Variants in AACS observed in about 807,000 individuals in gnomAD.
The protein encoded by AACS is acetoacetate-CoA ligase.
AACS carries 69 observed loss-of-function variants against 83.1 expected under a neutral mutation model. That is an observed-to-expected ratio of 0.83 (90% confidence interval 0.68 to 1.01). AACS has a LOEUF of 1.01. AACS is among the 50% of genes least tolerant of loss of function. The pLI is 0.00. For synonymous variants in AACS, 333 were observed against 343.4 expected, an observed-to-expected ratio of 0.97 and a Z score of 0.33; for missense variants, 866 against 882.2, an observed-to-expected ratio of 0.98 and a Z score of 0.23.
chr12:125,117,020 G>A (rs1258926438), intron 9 of AACS, among the ~76,000 whole-genome samples: 1 of 152,002 alleles, frequency 6.6e-6, no homozygotes, highest in Non-Finnish European at 1.5e-5. Context: ...ATGGCTCACT[G>A]CAGCCTCCAA....
chr12:125,081,242 C>T (rs556798298), intron 3 of AACS, among the ~76,000 whole-genome samples: 1 of 152,330 alleles, frequency 6.6e-6, no homozygotes, highest in Admixed American at 6.5e-5. Flanking sequence ...GATCCACCCG[C>T]CTCAGCCTCT....
At chr12:125,072,427 GCTTGA>G (rs1413351307) in intron 1 of AACS, among the ~76,000 whole-genome samples, 1 of 152,216 alleles carries the variant, frequency 6.6e-6, no homozygotes, top group Admixed American at 6.5e-5. Flanking sequence ...GGATGGGCAA[GCTTGA>G]CTTCACTGAT....
chr12:125,133,887 C>A, intron 14 of AACS, 116 bp from the exon 15 acceptor site: 1 of 1,029,856 alleles, frequency 9.7e-7, no homozygotes, highest in Non-Finnish European at 1.5e-6. Context: ...CAGCCCCATG[C>A]CAGACCTGCC....
chr12:125,132,240 C>CAG (rs34580266), intron 14 of AACS, among the ~76,000 whole-genome samples: 5,811 of 152,268 alleles, frequency 0.038, 379 homozygotes, highest in African/African-American at 0.13. Flanking sequence ...CAAAGTGTGT[C>CAG]GGGGAAGTTT....
At chr12:125,082,916 G>C (rs1465328251) in intron 3 of AACS, among the ~76,000 whole-genome samples, 2 of 152,126 alleles carry the variant, frequency 1.3e-5, no homozygotes, top group African/African-American at 4.8e-5. Flanking sequence ...TTGCATCAAG[G>C]GTAATGGTCA....
In AACS at chr12:125,072,919, G is replaced by GT. The variant is rs200182531; in HGVS notation, c.134-931dup. Among the ~76,000 whole-genome samples the GT allele has an allele frequency of 4.9e-3, 447 of 90,400 alleles. 23 individuals carry two copies. The highest frequency in any genetic ancestry group is 9.3e-3 in the African/African-American group (201 of 21,580). The allele number at this position is 90,400 out of a possible 152,430, so 59.3% of individuals were successfully genotyped here. On this transcript the variant is annotated intron_variant, in intron 1 of 17. Transcript: ENST00000316519. Reference sequence around the variant, plus strand: ...GGAGACCTTTTACCATGTAACTTTTGTTTTTTTTTTTTTTTTTTTTTTTTT... The same window carrying GT: ...GGAGACCTTTTACCATGTAACTTTTGTTTTTTTTTTTTTTTTTTTTTTTTTT...
intron 5 of AACS, chr12:125,101,369 C>T (rs1956704336): frequency 1.3e-5 from 2 of 152,376 alleles, no homozygotes; most frequent in East Asian, 3.9e-4. Context: ...ACGTGCAGTA[C>T]AGACCAGAGA....
Position 125,107,223 on chromosome 12 carries a change from A to G in AACS, c.870A>G (p.Ser290=), listed in dbSNP as rs1179038562. The G allele has an allele frequency of 2.5e-6, 4 of 1,613,084 alleles. No individual in the cohort carries two copies. Among genetic ancestry groups the G allele is most frequent in the Non-Finnish European group, 3.4e-6 (4 of 1,179,272 alleles). Residue 290 remains serine, a synonymous_variant, in exon 8 of 18, where the codon TCA becomes TCG. Transcript: ENST00000316519. ...PFSHPLFIMF[S]SGTTGAPKCM... is the part of the protein sequence containing the mutation. ...GCCACCCACTGTTCATCATGTTCTC[A>G]TCGGGCACCACGGGCGCACCCAAGT...
chr12:125,105,781 G>A (rs564084964), intron 7 of AACS: 1 of 152,354 alleles, frequency 6.6e-6, no homozygotes, highest in East Asian at 1.9e-4. Flanking sequence ...ATTCTTAGAA[G>A]AGCTTTAACA....
chr12:125,112,616 G>A (rs1956976971), intron 8 of AACS, among the ~76,000 whole-genome samples: 1 of 144,172 alleles, frequency 6.9e-6, no homozygotes, highest in Non-Finnish European at 1.5e-5. Flanking sequence ...GGAGGTGGAG[G>A]TTGCAGTGAG....
chr12:125,140,072 C>G lies in AACS; in HGVS notation c.1882-2020C>G, dbSNP rs1054099646. The G allele has an allele frequency of 1.3e-5, 2 of 152,170 alleles. No homozygotes were observed. The highest frequency in any genetic ancestry group is 2.9e-5 in the Non-Finnish European group (2 of 68,060). 9.4% of individuals were successfully genotyped at this position (152,170 alleles called of 1,614,324 possible). ...TCACCCAGAATAAAGACCTGGGGACCCCGCGAGGGTCATGGCCAAGTGGAA... is the reference window on the plus strand; with the variant it reads ...TCACCCAGAATAAAGACCTGGGGACGCCGCGAGGGTCATGGCCAAGTGGAA... On this transcript the variant is annotated intron_variant, in intron 17 of 17. Coordinates refer to ENST00000316519, the MANE Select transcript of AACS (RefSeq NM_023928.5). The surrounding 1 kb of genome is among the most constrained non-coding windows in gnomAD (Gnocchi z 5.1).
chr12:125,088,775 C>T (rs576839491), intron 4 of AACS, among the ~76,000 whole-genome samples: 18 of 152,264 alleles, frequency 1.2e-4, no homozygotes, highest in East Asian at 3.9e-4. Flanking sequence ...TTTGAGGAGA[C>T]GCCTGGCCGC....
chr12:125,076,418 A>G, intron 2 of AACS, 73 bp from the exon 3 acceptor site: 2 of 1,567,178 alleles, frequency 1.3e-6, no homozygotes, highest in South Asian at 2.4e-5. Flanking sequence ...GATTTGTGAC[A>G]TAGTCTCATG....
chr12:125,090,191 T>C (rs63749216), intron 4 of AACS, among the ~76,000 whole-genome samples: 1,612 of 4,132 alleles, frequency 0.39, 459 homozygotes, highest in Middle Eastern at 0.83. Context: ...CTTCTCTCCA[T>C]CTACCCATTT....
rs1282409417 is a variant in AACS, at chr12:125,080,007, AT to A, written c.358+3397del. Among the ~76,000 whole-genome samples the A allele has an allele frequency of 2.0e-5, 3 of 152,314 alleles. No homozygotes were observed. The East Asian group carries it at 5.8e-4, about 29-fold the overall frequency. ...GCTCAGCACAGTGTTACCAAGGTTC[AT>A]CCACATTGTAGCATGGATCAGTACT... On this transcript the variant is annotated intron_variant, in intron 3 of 17. Transcript: ENST00000316519.
chr12:125,136,732 G>T lies in AACS; in HGVS notation c.1749G>T (p.Val583=). ...PQYNKYREER[V]ILFLKMASGH... ...ATAACAAGTACAGGGAGGAGAGGGT[G>T]ATCCTCTTCCTGAAGATGGCCTCCG... The change falls in exon 17 of 18, where the codon GTG becomes GTT. Residue 583 remains valine (V), a synonymous_variant. Coordinates refer to ENST00000316519, the MANE Select transcript of AACS (RefSeq NM_023928.5). The T allele has an allele frequency of 1.2e-6, 2 of 1,614,162 alleles. No individual in the cohort carries two copies. The highest frequency in any genetic ancestry group is 8.5e-7 in the Non-Finnish European group (1 of 1,180,028).
chr12:125,136,187 C>T (rs561848724), intron 16 of AACS: 3 of 165,504 alleles, frequency 1.8e-5, no homozygotes, highest in African/African-American at 7.2e-5. Context: ...GTAGCTGTGT[C>T]TCCAGGTGTG....
At chr12:125,081,335 G>A (rs1350702107) in intron 3 of AACS, among the ~76,000 whole-genome samples, 1 of 152,178 alleles carries the variant, frequency 6.6e-6, no homozygotes, top group East Asian at 1.9e-4. Flanking sequence ...CCTTATAATT[G>A]CAGTGGGAAT....
rs1806285700 is a variant in AACS, at chr12:125,094,966, C to CCAT, written c.570+3446_570+3448dup. Among the ~76,000 whole-genome samples, 1 of 150,418 alleles carries CCAT rather than the reference C, an allele frequency of 6.6e-6. No homozygotes were observed. The highest frequency in any genetic ancestry group is 1.5e-5 in the Non-Finnish European group (1 of 67,800). On this transcript the variant is annotated intron_variant, in intron 5 of 17. Transcript: ENST00000316519. This position sits in a 1 kb window ranked among gnomAD's most constrained non-coding sequence, Gnocchi z 4.1. ...CTGCAGGCCTTGTCCTCCTGAAGTG[C>CCAT]CATCAGGTGGCCGTGTGTGTGTGTG...
Sources: allele counts gnomAD v4.1 joint callset (sites outside exome capture counted in the v4.1 genomes callset), GRCh38; gene constraint gnomAD v4.1.1; non-coding constraint Gnocchi (gnomAD v3.1); transcripts MANE v1.5; gene names NCBI Gene and HGNC (gene_info 2026-07-23, HGNC 2026-07-21).